ARID5B: variants seen among roughly 807,000 people sequenced by gnomAD.
The protein encoded by ARID5B is AT-rich interactive domain-containing protein 5B.
In ARID5B, 13 loss-of-function variants were observed where a neutral mutation model predicts 97.2. That is an observed-to-expected ratio of 0.13 (90% confidence interval 0.09 to 0.21). The LOEUF is 0.21. Among genes scored for constraint, ARID5B ranks in the 10% least tolerant of loss-of-function variants. The pLI is 1.00. For synonymous variants in ARID5B, 556 were observed against 570.3 expected (o/e 0.97, Z 0.36); for missense variants, 1,210 against 1,465.3 (o/e 0.83, Z 2.84).
chr10:61,997,870 TA>T (rs1202222035), intron 3 of ARID5B, among the ~76,000 whole-genome samples: 1 of 152,216 alleles, frequency 6.6e-6, no homozygotes, highest in African/African-American at 2.4e-5. Context: ...TTTAGCTGTA[TA>T]AAAAGCACGG....
chr10:62,088,343 G>C (rs1840320166), intron 9 of ARID5B, among the ~76,000 whole-genome samples: 1 of 152,198 alleles, frequency 6.6e-6, no homozygotes, highest in Non-Finnish European at 1.5e-5. Context: ...AACACCAGGG[G>C]ACAAACTGAG....
intron 2 of ARID5B, among the ~76,000 whole-genome samples, chr10:61,902,703 A>ATGTGTG: frequency 8.8e-6 from 1 of 113,478 alleles, no homozygotes; most frequent in African/African-American, 2.8e-5. Flanking sequence ...GTGTGTGTGT[A>ATGTGTG]TGTGTGTGTG....
rs146294458 is a variant in ARID5B, at chr10:62,028,829, C to T, written c.734-22059C>T. ...TACAAAAATTAGCCGTGCATGGTGG[C>T]GCATGCCTGTAATCCCAGCTACTTG... is the stretch of plus-strand genomic sequence containing the variant. On this transcript the variant is annotated intron_variant, in intron 4 of 9. Transcript: ENST00000279873. Among the ~76,000 whole-genome samples, 1,327 of 152,064 alleles carry T rather than the reference C, an allele frequency of 8.7e-3. 6 individuals carry two copies. Among genetic ancestry groups the T allele is most frequent in the Non-Finnish European group, 0.013 (866 of 67,970 alleles).
At chr10:61,954,883 G>A (rs1838370583) in intron 3 of ARID5B, among the ~76,000 whole-genome samples, 1 of 152,038 alleles carries the variant, frequency 6.6e-6, no homozygotes, top group Non-Finnish European at 1.5e-5. Flanking sequence ...GTGCATGCCT[G>A]TAATCCCAGC....
chr10:62,008,259 T>A (rs1387954625), intron 4 of ARID5B, among the ~76,000 whole-genome samples: 1 of 152,152 alleles, frequency 6.6e-6, no homozygotes, highest in African/African-American at 2.4e-5. Flanking sequence ...ATCATTGCTA[T>A]CCCCTGTTTC....
rs115095238 is a variant in ARID5B at position 62,061,669 on chromosome 10, C to T, written c.1101+2374C>T. The stretch of plus-strand genomic sequence containing the variant: ...GTTCCCCATCTCTGGTGATAAGAGT[C>T]GCCCCTCTTTCTGGTACTGTGTGGG... On this transcript the variant is annotated intron_variant, in intron 7 of 9. Coordinates refer to ENST00000279873, the MANE Select transcript of ARID5B (RefSeq NM_032199.3). Among the ~76,000 whole-genome samples the T allele has an allele frequency of 3.5e-3, 528 of 152,268 alleles. 2 individuals carry two copies. The highest frequency in any genetic ancestry group is 0.011 in the African/African-American group (472 of 41,536).
chr10:61,957,565 G>A (rs959200608), intron 3 of ARID5B, among the ~76,000 whole-genome samples: 3 of 152,164 alleles, frequency 2.0e-5, no homozygotes, highest in East Asian at 1.9e-4. Flanking sequence ...CACTGCGCCC[G>A]GCCTGTCTTG....
chr10:61,976,146 T>A (rs1247739733), intron 3 of ARID5B, among the ~76,000 whole-genome samples: 2 of 152,230 alleles, frequency 1.3e-5, no homozygotes, highest in Non-Finnish European at 2.9e-5. Context: ...GATGGAAATA[T>A]TTTGTATCTC....
At chr10:62,087,512 T>C (rs1257245361) in intron 9 of ARID5B, among the ~76,000 whole-genome samples, 1 of 140,952 alleles carries the variant, frequency 7.1e-6, no homozygotes, top group Non-Finnish European at 1.5e-5. Flanking sequence ...ACATGAATAA[T>C]AAAAAACGCT....
intron 3 of ARID5B, among the ~76,000 whole-genome samples, chr10:61,976,150 G>C (rs967108757): frequency 6.6e-6 from 1 of 152,176 alleles, no homozygotes; most frequent in Non-Finnish European, 1.5e-5. Context: ...GAAATATTTT[G>C]TATCTCTGTT....
chr10:61,928,978 T>G (rs1165000032), intron 2 of ARID5B, among the ~76,000 whole-genome samples: 2 of 152,132 alleles, frequency 1.3e-5, no homozygotes, highest in African/African-American at 4.8e-5. Flanking sequence ...CCACCCAGGC[T>G]TCGAGGTGGT....
chr10:61,984,567 G>C, intron 3 of ARID5B, among the ~76,000 whole-genome samples: 1 of 152,286 alleles, frequency 6.6e-6, no homozygotes, highest in East Asian at 1.9e-4. Context: ...GGTGGGGGGG[G>C]CCTCAGTCAG....
chr10:61,971,685 C>A lies in ARID5B; in HGVS notation c.503-28406C>A, dbSNP rs117271991. Among the ~76,000 whole-genome samples the A allele has an allele frequency of 5.3e-5, 8 of 152,134 alleles. 1 individual carries two copies. In the East Asian group the frequency reaches 1.5e-3, roughly 29 times the overall value. On this transcript the variant is annotated intron_variant, in intron 3 of 9. Transcript: ENST00000279873. ...ATAATAATGCATCAATATTGTTTCG[C>A]CAGTTTTAACAAAGGTACCACACTA...
At chr10:62,047,984 C>T (rs1839733340) in intron 4 of ARID5B, among the ~76,000 whole-genome samples, 3 of 152,184 alleles carry the variant, frequency 2.0e-5, no homozygotes. Flanking sequence ...TTGTGCATTG[C>T]ATGTGGGGAC....
intron 8 of ARID5B, among the ~76,000 whole-genome samples, chr10:62,077,247 G>A (rs2393730): frequency 0.33 from 50,436 of 151,786 alleles, 9,138 homozygotes; most frequent in Non-Finnish European, 0.41. Flanking sequence ...AAAATGCTCT[G>A]ATAACTTTCC....
chr10:62,045,810 C>T (rs1478399578), intron 4 of ARID5B, among the ~76,000 whole-genome samples: 1 of 152,198 alleles, frequency 6.6e-6, no homozygotes, highest in Non-Finnish European at 1.5e-5. Flanking sequence ...AGGGTATTAT[C>T]AGTAACGCAT....
chr10:61,936,457 A>C (rs996135636), intron 2 of ARID5B, among the ~76,000 whole-genome samples: 2 of 152,138 alleles, frequency 1.3e-5, no homozygotes, highest in African/African-American at 4.8e-5. Context: ...GTCTCTACTA[A>C]AAGTACAAAG....
rs149221549 is a variant in ARID5B, at chr10:62,065,244, G to A, written c.1102-4456G>A. On this transcript the variant is annotated intron_variant, in intron 7 of 9. Transcript: ENST00000279873. ...ATCTCACATGCACCTAGATTGGTTT[G>A]TTTTACCTGGGTGTAGTCTGCTCAG... Among the ~76,000 whole-genome samples the A allele has an allele frequency of 7.2e-5, 11 of 152,290 alleles. No individual in the cohort carries two copies. The East Asian group carries it at 2.1e-3, about 29-fold the overall frequency.
rs143681462 is a variant in ARID5B at position 62,039,663 on chromosome 10, G to T, written c.734-11225G>T. 1.3e-3 allele frequency among the ~76,000 whole-genome samples: 191 copies of T among 152,340 alleles called. 1 individual carries two copies. Among genetic ancestry groups the T allele is most frequent in the African/African-American group, 4.5e-3 (189 of 41,566 alleles). ...GGGACACAGGGCAAACTGAGCACCG[G>T]GCAGCCGCCTTCTCAGTGATGCCTG... On this transcript the variant is annotated intron_variant, in intron 4 of 9. Transcript: ENST00000279873.
Sources: allele counts gnomAD v4.1 joint callset (sites outside exome capture counted in the v4.1 genomes callset), GRCh38; gene constraint gnomAD v4.1.1; transcripts MANE v1.5; gene names NCBI Gene and HGNC (gene_info 2026-07-23, HGNC 2026-07-21).